DDAH1: variants seen among roughly 807,000 people sequenced by gnomAD.
The protein encoded by DDAH1 is dimethylarginine dimethylaminohydrolase 1, also known as N(G),N(G)-dimethylarginine dimethylaminohydrolase 1.
DDAH1 carries 19 observed loss-of-function variants against 28.8 expected under a neutral mutation model. The observed-to-expected ratio is 0.66, with a 90% confidence interval of 0.46 to 0.97. The LOEUF is 0.97. Among genes scored for constraint, DDAH1 ranks in the 50% least tolerant of loss-of-function variants. The probability of loss-of-function intolerance (pLI) is 0.00; values close to 1 mark genes in which losing one functional copy is unlikely to be tolerated. For synonymous variants in DDAH1, 153 were observed against 154.4 expected (o/e 0.99, Z 0.07); for missense variants, 326 against 375.9 (o/e 0.87, Z 1.10).
rs553564086 is a variant in DDAH1, at chr1:85,546,886, C to T, written c.-123+31098G>A. ...AGCAATAAACTAACCTCATGTTCAG[C>T]TGATCTCTATAATGATACTGGTGTT... On this transcript the variant is annotated intron_variant, in intron 1 of 6. Coordinates refer to the DDAH1 transcript ENST00000426972. 2.6e-5 allele frequency among the ~76,000 whole-genome samples: 4 copies of T among 152,198 alleles called. No homozygotes were observed. In the East Asian group the frequency reaches 7.7e-4, roughly 29 times the overall value.
intron 1 of DDAH1, among the ~76,000 whole-genome samples, chr1:85,551,477 A>C (rs1381153333): frequency 1.3e-5 from 2 of 152,212 alleles, no homozygotes; most frequent in Non-Finnish European, 2.9e-5. Flanking sequence ...TTGCTCATTC[A>C]GAGTGTTAGG....
intron 1 of DDAH1, among the ~76,000 whole-genome samples, chr1:85,463,902 C>T (rs1488550486): frequency 6.6e-6 from 1 of 152,192 alleles, no homozygotes; most frequent in African/African-American, 2.4e-5. Context: ...TTGTCTCTCC[C>T]CACTAACCTA....
intron 1 of DDAH1, among the ~76,000 whole-genome samples, chr1:85,463,949 C>G (rs796255660): frequency 2.6e-5 from 4 of 152,188 alleles, no homozygotes; most frequent in African/African-American, 4.8e-5. Flanking sequence ...TCACAAGCTG[C>G]AGTATTTCAA....
At chr1:85,332,510 G>A (rs1031774065) in intron 4 of DDAH1, among the ~76,000 whole-genome samples, 4 of 152,214 alleles carry the variant, frequency 2.6e-5, no homozygotes, top group East Asian at 1.9e-4. Context: ...TGAGCAAACC[G>A]TCTGGGGCTT....
chr1:85,335,849 C>T (rs1398649732), intron 4 of DDAH1, among the ~76,000 whole-genome samples: 1 of 152,050 alleles, frequency 6.6e-6, no homozygotes, highest in Non-Finnish European at 1.5e-5. Flanking sequence ...GTAGTTTCAG[C>T]TGCTTGGAAG....
Position 85,368,780 on chromosome 1 carries a change from A to C in DDAH1, c.304-9933T>G, listed in dbSNP as rs538225126. 7.2e-5 allele frequency among the ~76,000 whole-genome samples: 11 copies of C among 152,322 alleles called. 1 individual carries two copies. The East Asian group carries it at 2.1e-3, about 29-fold the overall frequency. ...AAACTAATTTTCCTGAATGTTGAGA[A>C]GCATAAAAATTTGCTGTGCACATGA... On this transcript the variant is annotated intron_variant, in intron 1 of 5. Coordinates refer to ENST00000284031, the MANE Select transcript of DDAH1 (RefSeq NM_012137.4).
chr1:85,572,346 A>C (rs961029342), intron 1 of DDAH1, among the ~76,000 whole-genome samples: 2 of 152,158 alleles, frequency 1.3e-5, no homozygotes, highest in Non-Finnish European at 2.9e-5. Context: ...GTTAAGGGGA[A>C]GTCAAGAAGT....
chr1:85,333,073 AC>A (rs1647880891), intron 4 of DDAH1, among the ~76,000 whole-genome samples: 1 of 152,136 alleles, frequency 6.6e-6, no homozygotes, highest in African/African-American at 2.4e-5. Context: ...CCACCCCGGG[AC>A]CCAAGAACAG....
chr1:85,370,640 T>C (rs1650331350), intron 1 of DDAH1, among the ~76,000 whole-genome samples: 1 of 152,092 alleles, frequency 6.6e-6, no homozygotes, highest in African/African-American at 2.4e-5. Context: ...GTGGTGACAG[T>C]GGAGACAAAG....
Position 85,380,595 on chromosome 1 carries a change from C to T in DDAH1, c.304-21748G>A, listed in dbSNP as rs951681481. The stretch of plus-strand genomic sequence containing the variant: ...GGATTTGTAAGGATCAGAGGTAAGG[C>T]AGGCATAACGTAGAAAACTGACTAG... On this transcript the variant is annotated intron_variant, in intron 1 of 5. Coordinates refer to ENST00000284031, the MANE Select transcript of DDAH1 (RefSeq NM_012137.4). The T allele has an allele frequency of 2.6e-5, 4 of 152,318 alleles. No homozygotes were observed. The East Asian group carries it at 7.7e-4, about 29-fold the overall frequency. The allele number at this position is 152,318 out of a possible 1,614,324, so 9.4% of individuals were successfully genotyped here. A position where few individuals can be genotyped will look rare whatever the true frequency, so the allele number is the denominator to read the frequency against.
intron 4 of DDAH1, among the ~76,000 whole-genome samples, chr1:85,344,190 C>T (rs1292378905): frequency 1.3e-5 from 2 of 152,268 alleles, no homozygotes; most frequent in South Asian, 2.1e-4. Context: ...TTTCTTACCA[C>T]GTCCTTGTAG....
intron 1 of DDAH1, among the ~76,000 whole-genome samples, chr1:85,460,632 A>G (rs543667703): frequency 6.6e-6 from 1 of 152,230 alleles, no homozygotes; most frequent in Admixed American, 6.5e-5. Context: ...GGCCTTTTGC[A>G]AAACAGGATA....
intron 1 of DDAH1, among the ~76,000 whole-genome samples, chr1:85,518,984 C>A (rs1657571118): frequency 6.6e-6 from 1 of 150,410 alleles, no homozygotes; most frequent in Non-Finnish European, 1.5e-5. Context: ...GTGTTACTGA[C>A]ATAGAAGGAT....
intron 1 of DDAH1, among the ~76,000 whole-genome samples, chr1:85,368,983 C>G (rs577127665): frequency 2.6e-5 from 4 of 152,064 alleles, no homozygotes; most frequent in African/African-American, 9.6e-5. Context: ...CATATCCCTG[C>G]TCCCAGCCCA....
At position 85,542,944 on chromosome 1, in the gene DDAH1, A is replaced by C. The variant is rs185717546; in HGVS notation, c.-123+35040T>G. Among the ~76,000 whole-genome samples, 3 of 152,280 alleles carry C rather than the reference A, an allele frequency of 2.0e-5. No individual in the cohort carries two copies. The East Asian group carries it at 5.8e-4, about 29-fold the overall frequency. On this transcript the variant is annotated intron_variant, in intron 1 of 6. Transcript: ENST00000426972. ...AGATGGACATCATTATCTCAGTTTCATGAAGGAGGAGACTGAGGTTCAGTA... is the reference window on the plus strand; with the variant it reads ...AGATGGACATCATTATCTCAGTTTCCTGAAGGAGGAGACTGAGGTTCAGTA...
In DDAH1 at chr1:85,393,129, A is replaced by C. The variant is rs571026798; in HGVS notation, c.304-34282T>G. 1.6e-4 allele frequency among the ~76,000 whole-genome samples: 25 copies of C among 152,300 alleles called. No individual in the cohort carries two copies. In the South Asian group the frequency reaches 5.2e-3, roughly 32 times the overall value. On this transcript the variant is annotated intron_variant, in intron 1 of 5. Transcript: ENST00000284031. ...CTCAAACGAAATATTTATTTTGCACAAGACACTCCTTAATAGCAATAACAA... is the reference window on the plus strand; with the variant it reads ...CTCAAACGAAATATTTATTTTGCACCAGACACTCCTTAATAGCAATAACAA...
At position 85,446,582 on chromosome 1, in the gene DDAH1, G is replaced by A. The variant is rs572337461; in HGVS notation, c.303+18161C>T. On this transcript the variant is annotated intron_variant, in intron 1 of 5. Coordinates refer to ENST00000284031, the MANE Select transcript of DDAH1 (RefSeq NM_012137.4). ...TGTCCATTCCAAGTCCTATCCTTTG[G>A]CAACATCACGCCAAAGACATCAAGG... Among the ~76,000 whole-genome samples, 4 of 152,070 alleles carry A rather than the reference G, an allele frequency of 2.6e-5. No homozygotes were observed. In the South Asian group the frequency reaches 6.2e-4, roughly 24 times the overall value.
intron 4 of DDAH1, among the ~76,000 whole-genome samples, chr1:85,336,753 G>C (rs1242145494): frequency 6.6e-6 from 1 of 150,524 alleles, no homozygotes; most frequent in African/African-American, 2.4e-5. Flanking sequence ...GTTTTTTTTT[G>C]AAAAAATAAA....
intron 1 of DDAH1, among the ~76,000 whole-genome samples, chr1:85,526,424 C>G (rs1257033050): frequency 6.6e-6 from 1 of 152,184 alleles, no homozygotes; most frequent in Non-Finnish European, 1.5e-5. Context: ...TGTTCAGTGT[C>G]TCATGGATCA....
Sources: allele counts gnomAD v4.1 joint callset (sites outside exome capture counted in the v4.1 genomes callset), GRCh38; gene constraint gnomAD v4.1.1; transcripts MANE v1.5; gene names NCBI Gene and HGNC (gene_info 2026-07-23, HGNC 2026-07-21).